The following MRTFB variants were observed in gnomAD, a reference collection of about 807,000 sequenced individuals.
MRTFB encodes the protein myocardin-related transcription factor B.
Under a neutral mutation model 104.2 loss-of-function variants are expected in MRTFB, and 29 were observed. The ratio of observed to expected loss-of-function variants is 0.28; its 90% CI spans 0.21 to 0.38. The LOEUF is 0.38. MRTFB is among the 10% of genes least tolerant of loss of function. MRTFB has a pLI of 1.00. For synonymous variants in MRTFB, 535 were observed against 519.5 expected, an observed-to-expected ratio of 1.03 and a Z score of -0.41; for missense variants, 1,270 against 1,341.6, an observed-to-expected ratio of 0.95 and a Z score of 0.83.
intron 1 of MRTFB, among the ~76,000 whole-genome samples, chr16:14,072,190 T>A (rs1018885251): frequency 3.3e-5 from 5 of 152,224 alleles, no homozygotes; most frequent in Admixed American, 3.3e-4. Context: ...CTCGTCAGAA[T>A]CAAGGTCCCT....
intron 3 of MRTFB, among the ~76,000 whole-genome samples, chr16:14,197,451 A>C (rs1458770277): frequency 6.6e-6 from 1 of 152,090 alleles, no homozygotes; most frequent in Non-Finnish European, 1.5e-5. Context: ...AGCAATTCAA[A>C]AATAACTCCA....
chr16:14,086,330 A>G (rs2034701709), intron 2 of MRTFB, among the ~76,000 whole-genome samples: 1 of 152,218 alleles, frequency 6.6e-6, no homozygotes, highest in South Asian at 2.1e-4. Context: ...TTCTGTTGGA[A>G]TATGGGATTC....
chr16:14,096,858 G>A (rs2035405593), intron 2 of MRTFB, among the ~76,000 whole-genome samples: 1 of 152,192 alleles, frequency 6.6e-6, no homozygotes, highest in Admixed American at 6.5e-5. Flanking sequence ...CAAGCCAGAA[G>A]GACCTCTTGG....
At chr16:14,247,779 A>G (rs1381530295) in intron 12 of MRTFB, 3 of 427,410 alleles carry the variant, frequency 7.0e-6, no homozygotes, top group Non-Finnish European at 1.3e-5. Context: ...TTTACACACC[A>G]GTGACGTGAT....
At chr16:13,995,830 C>T in the MRTFB span, among the ~76,000 whole-genome samples, 58 of 152,076 alleles carry the variant, frequency 3.8e-4, no homozygotes, top group African/African-American at 8.7e-4. Flanking sequence ...GGGGGATGAC[C>T]GCTCCCATGA....
intron 3 of MRTFB, among the ~76,000 whole-genome samples, chr16:14,163,568 A>T (rs556753448): frequency 6.6e-6 from 1 of 152,288 alleles, no homozygotes; most frequent in Non-Finnish European, 1.5e-5. Context: ...ACAGTGGCTC[A>T]CACCTGTAAT....
intron 2 of MRTFB, among the ~76,000 whole-genome samples, chr16:14,137,458 C>T (rs1006680149): frequency 1.3e-5 from 2 of 152,040 alleles, no homozygotes; most frequent in Non-Finnish European, 2.9e-5. Context: ...CCTAAAGGAT[C>T]TTCCAAATCA....
chr16:14,248,768 A>C (rs2043130547), intron 12 of MRTFB, 158 bp from the exon 13 acceptor site: 1 of 674,524 alleles, frequency 1.5e-6, no homozygotes, highest in South Asian at 2.1e-5. Flanking sequence ...AGAATCATTA[A>C]AGTTCAGATT....
At chr16:14,127,929 A>ATATATATATATATT (rs1393344981) in intron 2 of MRTFB, among the ~76,000 whole-genome samples, 3 of 44,630 alleles carry the variant, frequency 6.7e-5, no homozygotes, top group Non-Finnish European at 9.9e-5. Flanking sequence ...ATATATATAT[A>ATATATATATATATT]TTTTTTTTTT....
chr16:14,243,054 A>G (rs1362180328), intron 10 of MRTFB, among the ~76,000 whole-genome samples: 1 of 152,176 alleles, frequency 6.6e-6, no homozygotes, highest in Non-Finnish European at 1.5e-5. Context: ...AGATGTGGAG[A>G]AAAATGTCTA....
chr16:14,241,978 A>G (rs1412159951), intron 10 of MRTFB, among the ~76,000 whole-genome samples: 2 of 109,238 alleles, frequency 1.8e-5, no homozygotes, highest in Non-Finnish European at 3.3e-5. Context: ...AATAATAATA[A>G]TAATAATAAT....
intron 5 of MRTFB, among the ~76,000 whole-genome samples, 169 bp downstream of exon 5, chr16:14,212,578 G>A (rs1197514643): frequency 6.6e-6 from 1 of 152,176 alleles, no homozygotes; most frequent in Non-Finnish European, 1.5e-5. Flanking sequence ...AGTTTGATCT[G>A]GAGGTTTGCA....
chr16:14,224,885 A>G (rs2041928032), intron 8 of MRTFB, among the ~76,000 whole-genome samples: 1 of 152,232 alleles, frequency 6.6e-6, no homozygotes, highest in Non-Finnish European at 1.5e-5. Context: ...ACTCAAAGCC[A>G]TATGAAAATA....
At chr16:14,003,869 C>A in the MRTFB span, among the ~76,000 whole-genome samples, 1 of 152,126 alleles carries the variant, frequency 6.6e-6, no homozygotes, top group African/African-American at 2.4e-5. Flanking sequence ...CCTAAGGAGG[C>A]CTTGCACTAG....
intron 9 of MRTFB, among the ~76,000 whole-genome samples, chr16:14,236,506 G>A (rs913923221): frequency 7.9e-5 from 12 of 152,074 alleles, no homozygotes; most frequent in African/African-American, 2.4e-4. Context: ...AGAGTGTGCC[G>A]GGTGGTGATG....
intron 3 of MRTFB, among the ~76,000 whole-genome samples, chr16:14,205,889 T>C (rs2040919453): frequency 6.6e-6 from 1 of 152,170 alleles, no homozygotes; most frequent in Non-Finnish European, 1.5e-5. Context: ...TGCTCTTGGT[T>C]TCAGTTTTGA....
intron 3 of MRTFB, among the ~76,000 whole-genome samples, chr16:14,185,466 A>G (rs182808381): frequency 6.6e-6 from 1 of 152,214 alleles, no homozygotes; most frequent in African/African-American, 2.4e-5. Flanking sequence ...TTTTGAAGAG[A>G]AAATGTGCTT....
chr16:14,091,730 C>CA (rs912007471), intron 2 of MRTFB, among the ~76,000 whole-genome samples: 62 of 152,198 alleles, frequency 4.1e-4, no homozygotes, highest in African/African-American at 1.4e-3. Flanking sequence ...CGTGGTGGCT[C>CA]ACACCTGTAA....
At chr16:14,058,712 GTTTTTTTTTTT>G in the MRTFB span, among the ~76,000 whole-genome samples, 1 of 86,846 alleles carries the variant, frequency 1.2e-5, no homozygotes, top group South Asian at 4.4e-4. Context: ...ATTTGTATTT[GTTTTTTTTTTT>G]TTTTTTTTTT....
Sources: gnomAD v4.1 joint callset for allele counts (sites outside exome capture counted in the v4.1 genomes callset) on GRCh38, gnomAD v4.1.1 for gene constraint, MANE v1.5 for transcripts, NCBI Gene and HGNC (gene_info 2026-07-23, HGNC 2026-07-21) for gene names.